Variants in ROCK1 observed in about 807,000 individuals in gnomAD.
ROCK1 encodes Rho associated coiled-coil containing protein kinase 1, also known as rho-associated protein kinase 1.
In ROCK1, 36 loss-of-function variants were observed where a neutral mutation model predicts 196.8. That is an observed-to-expected ratio of 0.18 (90% confidence interval 0.14 to 0.24). The LOEUF (loss-of-function observed/expected upper bound fraction) is 0.24. Among genes scored for constraint, ROCK1 ranks in the 10% least tolerant of loss-of-function variants. ROCK1 has a pLI of 1.00. For synonymous variants in ROCK1, 443 were observed against 515.9 expected (o/e 0.86, Z 1.91); for missense variants, 920 against 1,562.0 (o/e 0.59, Z 6.93).
chr18:21,067,770 T>C (rs529484607), intron 2 of ROCK1, among the ~76,000 whole-genome samples: 2 of 152,342 alleles, frequency 1.3e-5, no homozygotes, highest in African/African-American at 2.4e-5. Flanking sequence ...CTTTTGTTGC[T>C]TGTGCTTTTG....
chr18:21,033,230 AC>A (rs1037195694), intron 9 of ROCK1, among the ~76,000 whole-genome samples: 19 of 152,080 alleles, frequency 1.2e-4, no homozygotes, highest in African/African-American at 4.6e-4. Flanking sequence ...AAGAAAAAAA[AC>A]CCATATGATC....
At chr18:20,984,614 A>C in intron 19 of ROCK1, 79 bp from the exon 20 acceptor site, 1 of 1,004,882 alleles carries the variant, frequency 1.0e-6, no homozygotes, top group Non-Finnish European at 1.4e-6. Flanking sequence ...TACTAACCAA[A>C]TCAAGTACAT....
At chr18:20,958,969 TATAATATATATATTTTATAAAAA>T (rs1199165260) in intron 29 of ROCK1, among the ~76,000 whole-genome samples, 11 of 92,666 alleles carry the variant, frequency 1.2e-4, no homozygotes, top group African/African-American at 4.4e-4. Context: ...ATATAATATA[TATAATATATATATTTTATAAAAA>T]ATAATATATA....
Position 21,045,979 on chromosome 18 carries a change from C to T in ROCK1, c.415-512G>A, listed in dbSNP as rs573938998. On this transcript the variant is annotated intron_variant, in intron 4 of 32. Coordinates refer to ENST00000399799, the MANE Select transcript of ROCK1 (RefSeq NM_005406.3). ...AGGCTGGAGTGCAGTGGCGTGATGT[C>T]GGCTCACTGCAAGCTCCGCCTCCCA... 9.7e-4 allele frequency among the ~76,000 whole-genome samples: 121 copies of T among 124,336 alleles called. 1 individual carries two copies. Among genetic ancestry groups the T allele is most frequent in the Non-Finnish European group, 7.2e-4 (46 of 64,008 alleles). The allele number at this position is 124,336 out of a possible 152,430, so 81.6% of individuals were successfully genotyped here. A position where few individuals can be genotyped will look rare whatever the true frequency, so the allele number is the denominator to read the frequency against.
intron 1 of ROCK1, among the ~76,000 whole-genome samples, chr18:21,098,589 G>T (rs1461684001): frequency 1.7e-4 from 26 of 150,594 alleles, no homozygotes; most frequent in Admixed American, 1.7e-3. Flanking sequence ...AAATTGTGCG[G>T]CAAAGTAACA....
rs200683988 is a variant in ROCK1, at chr18:20,966,760, G to GTGTA, written c.3352+153_3352+156dup. Among the ~76,000 whole-genome samples the GTGTA allele has an allele frequency of 7.6e-4, 116 of 152,266 alleles. 2 individuals are homozygous for GTGTA. In the East Asian group the frequency reaches 0.02, roughly 26 times the overall value. ...TGCTCTACTCCACAAAATACACCAA[G>GTGTA]TGTATAATCATCATCAGGCCTTGGC... On this transcript the variant is annotated intron_variant, in intron 27 of 32. Transcript: ENST00000399799.
rs2035143992 is a variant in ROCK1, at chr18:20,947,832, G to C, written c.*3552C>G. ...TAAATTTATATGGGAATGCAACCAG[G>C]CGCGGTGGCTCATGCCTGTAATCCC... is the stretch of plus-strand genomic sequence containing the variant. On this transcript the variant is annotated 3_prime_UTR_variant, in exon 33 of 33. Transcript: ENST00000399799. 1 of 152,138 alleles carries C rather than the reference G, an allele frequency of 6.6e-6. No homozygotes were observed. The allele number at this position is 152,138 out of a possible 1,614,324, so 9.4% of individuals were successfully genotyped here.
chr18:20,970,878 T>C (rs1011407240), intron 22 of ROCK1, among the ~76,000 whole-genome samples: 14 of 152,150 alleles, frequency 9.2e-5, no homozygotes, highest in African/African-American at 3.4e-4. Context: ...CAGAACTTTA[T>C]CTCTGTTTTA....
intron 8 of ROCK1, among the ~76,000 whole-genome samples, chr18:21,040,606 A>G (rs2036097100): frequency 6.6e-6 from 1 of 152,206 alleles, no homozygotes; most frequent in Admixed American, 6.5e-5. Context: ...CAATTTTTCC[A>G]AGAAGCTTTC....
intron 6 of ROCK1, among the ~76,000 whole-genome samples, chr18:21,043,454 ATGAAG>A (rs1182472133): frequency 6.6e-6 from 1 of 151,516 alleles, no homozygotes; most frequent in African/African-American, 2.4e-5. Flanking sequence ...CACTGTGTAT[ATGAAG>A]TGAAGGAATA....
intron 20 of ROCK1, among the ~76,000 whole-genome samples, chr18:20,983,839 A>G (rs2035554909): frequency 6.6e-6 from 1 of 152,198 alleles, no homozygotes. Context: ...ATAAAAACAC[A>G]AGACTTGGCA....
chr18:21,087,069 T>G (rs1247280308), intron 1 of ROCK1, among the ~76,000 whole-genome samples: 1 of 152,154 alleles, frequency 6.6e-6, no homozygotes, highest in Non-Finnish European at 1.5e-5. Context: ...GAGGAAAAAT[T>G]TCTACCTTTC....
At chr18:21,104,933 A>C (rs540885025) in intron 1 of ROCK1, among the ~76,000 whole-genome samples, 1 of 152,194 alleles carries the variant, frequency 6.6e-6, no homozygotes, top group Admixed American at 6.5e-5. Context: ...GACGTCAATA[A>C]CGCACAGCTA....
At chr18:20,952,268 G>C (rs6507467) in intron 32 of ROCK1, among the ~76,000 whole-genome samples, 10,870 of 151,952 alleles carry the variant, frequency 0.072, 581 homozygotes, top group Admixed American at 0.15. Context: ...TGTAATTCCA[G>C]CTACTCAGGA....
Position 20,962,966 on chromosome 18 carries a change from C to G in ROCK1, c.3353-2760G>C, listed in dbSNP as rs551922493. Among the ~76,000 whole-genome samples the G allele has an allele frequency of 1.8e-3, 273 of 151,810 alleles. 1 individual carries two copies. The highest frequency in any genetic ancestry group is 5.1e-3 in the African/African-American group (211 of 41,442). On this transcript the variant is annotated intron_variant, in intron 27 of 32. Coordinates refer to ENST00000399799, the MANE Select transcript of ROCK1 (RefSeq NM_005406.3). ...ACCAGTTTTTAAAATATATAAAGACCTCCTCTAAAATCGGGACCACCTGTA... is the reference window on the plus strand; with the variant it reads ...ACCAGTTTTTAAAATATATAAAGACGTCCTCTAAAATCGGGACCACCTGTA...
rs1345491959 is a variant in ROCK1 at position 20,947,275 on chromosome 18, G to C, written c.*4109C>G. The C allele has an allele frequency of 6.6e-6, 1 of 151,798 alleles. No individual in the cohort carries two copies. The highest frequency in any genetic ancestry group is 1.5e-5 in the Non-Finnish European group (1 of 67,966). The allele number at this position is 151,798 out of a possible 1,614,324, so 9.4% of individuals were successfully genotyped here. A position where few individuals can be genotyped will look rare whatever the true frequency, so the allele number is the denominator to read the frequency against. ...TGGAGATAATCCATTAGAAAACACA[G>C]CTAACTGTTAATAACAGTTATGAAG... is the stretch of plus-strand genomic sequence containing the variant. On this transcript the variant is annotated 3_prime_UTR_variant, in exon 33 of 33. Transcript: ENST00000399799.
At chr18:21,073,063 CAAAAAAAAAAAAAAAAAAAAAAAA>C (rs541290068) in intron 1 of ROCK1, among the ~76,000 whole-genome samples, 34 of 32,742 alleles carry the variant, frequency 1.0e-3, no homozygotes, top group South Asian at 4.0e-3. Context: ...ACTCCGTCTC[CAAAAAAAAAAAAAAAAAAAAAAAA>C]AAAAAAAAAA....
intron 1 of ROCK1, among the ~76,000 whole-genome samples, chr18:21,070,896 T>A (rs922788673): frequency 6.6e-6 from 1 of 152,192 alleles, no homozygotes; most frequent in Non-Finnish European, 1.5e-5. Context: ...CATAAGGACA[T>A]GAAATTTTAT....
intron 22 of ROCK1, 102 bp downstream of exon 22, chr18:20,979,808 T>A: frequency 4.4e-6 from 6 of 1,355,212 alleles, no homozygotes; most frequent in Non-Finnish European, 3.9e-6. Flanking sequence ...AACTGTGTTC[T>A]ATACCATTCC....
Sources: allele counts gnomAD v4.1 joint callset (sites outside exome capture counted in the v4.1 genomes callset), GRCh38; gene constraint gnomAD v4.1.1; transcripts MANE v1.5; gene names NCBI Gene and HGNC (gene_info 2026-07-23, HGNC 2026-07-21).